The following STMND1 variants were observed in gnomAD, a reference collection of about 807,000 sequenced individuals.
The protein encoded by STMND1 is stathmin domain containing 1, also known as stathmin domain-containing protein 1.
A neutral mutation model predicts 23.0 loss-of-function variants in STMND1; 17 were observed. The ratio of observed to expected loss-of-function variants is 0.74; its 90% confidence interval spans 0.51 to 1.11. STMND1 has a LOEUF of 1.11. Ranked by LOEUF, STMND1 falls within the 50% of genes least tolerant of loss-of-function variation. The pLI is 0.00. For missense variants in STMND1, 305 were observed against 329.1 expected, an observed-to-expected ratio of 0.93 and a Z score of 0.57; for synonymous variants, 114 against 119.9, an observed-to-expected ratio of 0.95 and a Z score of 0.32.
At chr6:17,123,754 T>G (rs1361757106) in intron 3 of STMND1, among the ~76,000 whole-genome samples, 1 of 152,222 alleles carries the variant, frequency 6.6e-6, no homozygotes, top group Non-Finnish European at 1.5e-5. Context: ...GAAATATTCC[T>G]GAAAATATAC....
intron 3 of STMND1, among the ~76,000 whole-genome samples, chr6:17,125,860 A>G (rs1032923694): frequency 6.6e-6 from 1 of 151,706 alleles, no homozygotes; most frequent in Non-Finnish European, 1.5e-5. Flanking sequence ...TATACAAGTT[A>G]GTAGCTAGAA....
intron 2 of STMND1, among the ~76,000 whole-genome samples, chr6:17,116,051 C>T (rs1464448710): frequency 1.3e-5 from 2 of 152,014 alleles, no homozygotes; most frequent in African/African-American, 4.8e-5. Context: ...TTTTTCTTTC[C>T]AATAATTTTG....
At chr6:17,109,252 T>C (rs1205742999) in intron 1 of STMND1, among the ~76,000 whole-genome samples, 1 of 152,204 alleles carries the variant, frequency 6.6e-6, no homozygotes, top group Non-Finnish European at 1.5e-5. Flanking sequence ...TTATTTCTCA[T>C]GTAGCCCTGA....
In STMND1 at chr6:17,130,910, C is replaced by T; in HGVS notation, c.*29C>T. The T allele has an allele frequency of 6.8e-7, 1 of 1,478,426 alleles. No homozygotes were observed. The highest frequency in any genetic ancestry group is 9.0e-7 in the Non-Finnish European group (1 of 1,114,224). 91.6% of individuals were successfully genotyped at this position (1,478,426 alleles called of 1,614,324 possible). A position where few individuals can be genotyped will look rare whatever the true frequency, so the allele number is the denominator to read the frequency against. ...ATTTTTTGTGAATTTCATAAGAAAG[C>T]ATTCATTCTCCCCATTTGTGACATT... is the stretch of plus-strand genomic sequence containing the variant. On this transcript the variant is annotated 3_prime_UTR_variant, in exon 5 of 5. Transcript: ENST00000536551.
chr6:17,118,967 C>G (rs1761193588), intron 2 of STMND1, among the ~76,000 whole-genome samples: 1 of 152,130 alleles, frequency 6.6e-6, no homozygotes, highest in Non-Finnish European at 1.5e-5. Flanking sequence ...TGCCTAAGTG[C>G]TTAGTAAATG....
At chr6:17,115,267 T>C in intron 2 of STMND1, 128 bp downstream of exon 2, 1 of 849,508 alleles carries the variant, frequency 1.2e-6, no homozygotes, top group Non-Finnish European at 1.7e-6. Context: ...TAAATGGCAG[T>C]GTTTTTGTCT....
intron 1 of STMND1, among the ~76,000 whole-genome samples, chr6:17,113,232 G>A (rs1761116823): frequency 6.6e-6 from 1 of 152,188 alleles, no homozygotes; most frequent in South Asian, 2.1e-4. Context: ...TGGATAGATA[G>A]GTAGATAGGT....
rs1424396251 is a variant in STMND1, at chr6:17,102,222, A to G, written c.-36A>G. 1.3e-6 allele frequency: 2 copies of G among 1,512,876 alleles called. No individual in the cohort carries two copies. The highest frequency in any genetic ancestry group is 2.1e-5 in the Admixed American group (1 of 47,732). 93.7% of individuals were successfully genotyped at this position (1,512,876 alleles called of 1,614,324 possible). ...GGGAGCGCTCGCGGGGGCGCACAGCAGCCAAGCCCGCGGAGGAGGAGCGCG... is the reference window on the plus strand; with the variant it reads ...GGGAGCGCTCGCGGGGGCGCACAGCGGCCAAGCCCGCGGAGGAGGAGCGCG... On this transcript the variant is annotated 5_prime_UTR_variant, in exon 1 of 5. Coordinates refer to ENST00000536551, the MANE Select transcript of STMND1 (RefSeq NM_001190766.2).
intron 1 of STMND1, among the ~76,000 whole-genome samples, chr6:17,107,948 A>G (rs1761048638): frequency 6.6e-6 from 1 of 152,234 alleles, no homozygotes; most frequent in Non-Finnish European, 1.5e-5. Flanking sequence ...GTCTGTTCTC[A>G]AGTCTACACT....
chr6:17,114,789 G>A (rs1385169650), intron 1 of STMND1, among the ~76,000 whole-genome samples, 173 bp from the exon 2 acceptor site: 1 of 152,074 alleles, frequency 6.6e-6, no homozygotes, highest in African/African-American at 2.4e-5. Flanking sequence ...ACAGGCCACG[G>A]ACCAGTACTG....
chr6:17,124,130 A>G (rs1761265812), intron 3 of STMND1, among the ~76,000 whole-genome samples: 1 of 136,794 alleles, frequency 7.3e-6, no homozygotes, highest in Non-Finnish European at 1.7e-5. Context: ...GATAGTCAAA[A>G]CAAAGATATT....
Position 17,110,142 on chromosome 6 carries a change from T to A in STMND1, c.82-4820T>A, listed in dbSNP as rs574988761. ...GGAAGCTCATTTATCAAGAACCAAT[T>A]CAGGCATTTTTTTCTTCTTTCATAC... On this transcript the variant is annotated intron_variant, in intron 1 of 4. Transcript: ENST00000536551. Among the ~76,000 whole-genome samples, 5 of 152,308 alleles carry A rather than the reference T, an allele frequency of 3.3e-5. No homozygotes were observed. In the South Asian group the frequency reaches 1.0e-3, roughly 32 times the overall value.
chr6:17,115,105 A>G lies in STMND1; in HGVS notation c.225A>G (p.Pro75=), dbSNP rs1761140497. 5 of 1,535,824 alleles carry G rather than the reference A, an allele frequency of 3.3e-6. No homozygotes were observed. Among genetic ancestry groups the G allele is most frequent in the Non-Finnish European group, 4.4e-6 (5 of 1,146,812 alleles). ...SLPGTISENS[P]SPSERNRRVN... ...CTGGAACCATTTCAGAAAATTCTCC[A>G]TCTCCTAGTGAAAGAAACAGACGAG... The change falls in exon 2 of 5, where the codon CCA becomes CCG. Residue 75 remains proline, a synonymous_variant. Coordinates refer to ENST00000536551, the MANE Select transcript of STMND1 (RefSeq NM_001190766.2).
intron 1 of STMND1, among the ~76,000 whole-genome samples, chr6:17,108,725 G>A (rs1183865654): frequency 6.8e-6 from 1 of 146,174 alleles, no homozygotes; most frequent in Non-Finnish European, 1.5e-5. Context: ...TGGAGATGGA[G>A]TCTTGCTGTG....
chr6:17,121,368 G>A (rs915099194), intron 3 of STMND1, among the ~76,000 whole-genome samples: 9 of 152,258 alleles, frequency 5.9e-5, no homozygotes, highest in African/African-American at 1.9e-4. Flanking sequence ...CTAAATTTGA[G>A]AAACAATAGG....
At chr6:17,108,403 C>T (rs527753582) in intron 1 of STMND1, among the ~76,000 whole-genome samples, 2 of 152,210 alleles carry the variant, frequency 1.3e-5, no homozygotes, top group African/African-American at 2.4e-5. Flanking sequence ...TAAATTTTTC[C>T]ATTTGGAAAA....
intron 1 of STMND1, among the ~76,000 whole-genome samples, chr6:17,112,993 A>C (rs1300097995): frequency 6.6e-6 from 1 of 152,152 alleles, no homozygotes; most frequent in Non-Finnish European, 1.5e-5. Context: ...ATCTCACTGT[A>C]GTTTTGATTT....
intron 1 of STMND1, among the ~76,000 whole-genome samples, chr6:17,103,728 C>T (rs566469131): frequency 5.7e-4 from 87 of 152,156 alleles, no homozygotes; most frequent in African/African-American, 1.8e-3. Flanking sequence ...TGCGCCACCA[C>T]GCCCAGCTAA....
intron 2 of STMND1, among the ~76,000 whole-genome samples, chr6:17,118,238 G>A (rs939288857): frequency 6.6e-6 from 1 of 152,102 alleles, no homozygotes; most frequent in Non-Finnish European, 1.5e-5. Context: ...TTATGCTTAT[G>A]AAGAGTTTCC....
Sources: gnomAD v4.1 joint callset for allele counts (sites outside exome capture counted in the v4.1 genomes callset) on GRCh38, gnomAD v4.1.1 for gene constraint, MANE v1.5 for transcripts, NCBI Gene and HGNC (gene_info 2026-07-23, HGNC 2026-07-21) for gene names.